The following MYOM2 variants were observed in gnomAD, a reference collection of about 807,000 sequenced individuals.
The protein encoded by MYOM2 is myomesin-2.
In MYOM2, 254 loss-of-function variants were observed where a neutral mutation model predicts 187.6. The observed-to-expected ratio is 1.35, with a 90% CI of 1.22 to 1.50. The LOEUF is 1.50. Ranked by LOEUF, MYOM2 falls within the 40% of genes most tolerant of loss-of-function variation. The pLI is 0.00. For synonymous variants in MYOM2, 981 were observed against 753.8 expected, an observed-to-expected ratio of 1.30 and a Z score of -4.94; for missense variants, 2,796 against 1,924.0, an observed-to-expected ratio of 1.45 and a Z score of -8.48.
chr8:2,080,215 G>T (rs144683106), intron 13 of MYOM2, among the ~76,000 whole-genome samples: 1 of 152,170 alleles, frequency 6.6e-6, no homozygotes, highest in Non-Finnish European at 1.5e-5. Flanking sequence ...AGTGCCATGG[G>T]TGAAAACATA....
At chr8:2,069,222 T>A in intron 6 of MYOM2, 56 bp from the exon 7 acceptor site, 1 of 1,531,994 alleles carries the variant, frequency 6.5e-7, no homozygotes, top group Non-Finnish European at 8.9e-7. Flanking sequence ...GCAATTCGGG[T>A]CACTGACTTT....
At chr8:2,075,142 A>G (rs542276160) in intron 10 of MYOM2, among the ~76,000 whole-genome samples, 1 of 152,236 alleles carries the variant, frequency 6.6e-6, no homozygotes, top group South Asian at 2.1e-4. Flanking sequence ...ATGTCAACCA[A>G]ACGTATCTCA....
chr8:2,060,548 A>G (rs891271633), intron 6 of MYOM2, among the ~76,000 whole-genome samples: 1 of 152,164 alleles, frequency 6.6e-6, no homozygotes, highest in Non-Finnish European at 1.5e-5. Flanking sequence ...ATTGGAACAT[A>G]CGATTTTATT....
intron 14 of MYOM2, 29 bp from the exon 15 acceptor site, chr8:2,089,979 G>T: frequency 6.2e-7 from 1 of 1,610,018 alleles, no homozygotes; most frequent in Non-Finnish European, 8.5e-7. Context: ...GGTTTTCACT[G>T]CCAGTCTCGT....
chr8:2,105,832 T>G (rs2116799025), intron 21 of MYOM2, among the ~76,000 whole-genome samples: 1 of 152,310 alleles, frequency 6.6e-6, no homozygotes, highest in African/African-American at 2.4e-5. Context: ...CCCCTCGGCA[T>G]TAGTCCGTTC....
rs140377334 is a variant in MYOM2 at position 2,085,289 on chromosome 8, A to G, written c.1543A>G (p.Thr515Ala). ...EGDAQVPGPP[T>A]GVHASEISRN... ...TGACGCCCAGGTTCCAGGGCCTCCC[A>G]CCGGTGTGCACGCTTCCGAGATCAG... The change falls in exon 14 of 37, where the codon ACC becomes GCC. Residue 515 changes from threonine to alanine, a missense_variant. Physicochemically the swap from Thr to Ala is moderately conservative, Grantham distance 58. Transcript: ENST00000262113. 9 of 1,614,076 alleles carry G rather than the reference A, an allele frequency of 5.6e-6. No individual in the cohort carries two copies. Among genetic ancestry groups the G allele is most frequent in the Non-Finnish European group, 6.8e-6 (8 of 1,179,986 alleles).
Position 2,085,196 on chromosome 8 carries a change from C to T in MYOM2, c.1517-67C>T, listed in dbSNP as rs1405108366. 52 of 1,575,436 alleles carry T rather than the reference C, an allele frequency of 3.3e-5. No homozygotes were observed. The East Asian group carries it at 1.1e-3, about 34-fold the overall frequency. The stretch of plus-strand genomic sequence containing the variant: ...CCCACGTGGCAGAGTCCTCCAGTGC[C>T]CCGAGGTGGGCTGCAGCGAGGCTGA... On this transcript the variant is annotated intron_variant, in intron 13 of 36. Coordinates refer to ENST00000262113, the MANE Select transcript of MYOM2 (RefSeq NM_003970.4).
At chr8:2,117,827 T>C in intron 27 of MYOM2, 58 bp from the exon 28 acceptor site, 1 of 1,193,862 alleles carries the variant, frequency 8.4e-7, no homozygotes. Flanking sequence ...AATAGCTATA[T>C]ATTTATTTGT....
At chr8:2,069,250 G>C (rs1819129473) in intron 6 of MYOM2, 28 bp from the exon 7 acceptor site, 1 of 1,598,980 alleles carries the variant, frequency 6.3e-7, no homozygotes, top group Non-Finnish European at 8.5e-7. Context: ...CAGTCCCGCA[G>C]ACTTTCTCTT....
Position 2,142,421 on chromosome 8 carries a change from C to G in MYOM2, c.4024+24C>G, listed in dbSNP as rs745699222. On this transcript the variant is annotated intron_variant, in intron 35 of 36. Transcript: ENST00000262113. ...GAGTAAGTACCTGTTGGATTGTAACCAGGATGGTGAATTATTTGGGGTGGG... is the reference window on the plus strand; with the variant it reads ...GAGTAAGTACCTGTTGGATTGTAACGAGGATGGTGAATTATTTGGGGTGGG... 34 of 1,612,568 alleles carry G rather than the reference C, an allele frequency of 2.1e-5. 1 individual carries two copies. Among genetic ancestry groups the G allele is most frequent in the South Asian group, 2.0e-4 (18 of 91,046 alleles).
intron 25 of MYOM2, among the ~76,000 whole-genome samples, chr8:2,114,263 C>G (rs1442187443): frequency 6.6e-6 from 1 of 152,196 alleles, no homozygotes; most frequent in Non-Finnish European, 1.5e-5. Context: ...AGCAGAGAGG[C>G]AGGTAGTCCA....
chr8:2,112,449 C>G (rs953547419), intron 25 of MYOM2, among the ~76,000 whole-genome samples: 6 of 151,738 alleles, frequency 4.0e-5, no homozygotes, highest in African/African-American at 7.3e-5. Context: ...CCAAGCCGCT[C>G]TAGTGCACAG....
chr8:2,078,289 G>C (rs549127282), intron 11 of MYOM2, among the ~76,000 whole-genome samples: 1 of 152,310 alleles, frequency 6.6e-6, no homozygotes, highest in East Asian at 1.9e-4. Flanking sequence ...CACAGAGTGG[G>C]ACGGGAGCTG....
chr8:2,117,844 T>A, intron 27 of MYOM2, 41 bp from the exon 28 acceptor site: 1 of 1,483,510 alleles, frequency 6.7e-7, no homozygotes, highest in Non-Finnish European at 9.3e-7. Context: ...TTGTTTACTT[T>A]TTCCTTTTTT....
At chr8:2,110,942 G>A (rs1439702688) in intron 25 of MYOM2, among the ~76,000 whole-genome samples, 6 of 152,192 alleles carry the variant, frequency 3.9e-5, no homozygotes, top group Admixed American at 3.9e-4. Context: ...GAGTCGGCTA[G>A]AAAGTAGAAA....
chr8:2,053,709 C>G (rs570105301), intron 3 of MYOM2, among the ~76,000 whole-genome samples: 1 of 152,190 alleles, frequency 6.6e-6, no homozygotes, highest in Non-Finnish European at 1.5e-5. Context: ...TATGTTCTCA[C>G]GGCACCTCTG....
chr8:2,078,285 G>A (rs1027142905), intron 11 of MYOM2, among the ~76,000 whole-genome samples: 4 of 152,196 alleles, frequency 2.6e-5, no homozygotes, highest in Non-Finnish European at 4.4e-5. Context: ...GTCTCACAGA[G>A]TGGGACGGGA....
chr8:2,118,402 C>G lies in MYOM2; in HGVS notation c.3453+450C>G, dbSNP rs542226588. Among the ~76,000 whole-genome samples the G allele has an allele frequency of 4.6e-5, 7 of 152,254 alleles. No homozygotes were observed. In the Middle Eastern group the frequency reaches 0.01, roughly 222 times the overall value. On this transcript the variant is annotated intron_variant, in intron 28 of 36. Transcript: ENST00000262113. ...ATATAAAAATCTGTTTTTTAAGCAG[C>G]AAATCTTCAATTTAATAACTGCCTA... is the stretch of plus-strand genomic sequence containing the variant.
chr8:2,101,377 TAAAAC>T (rs1796703892), intron 20 of MYOM2, among the ~76,000 whole-genome samples: 1 of 152,040 alleles, frequency 6.6e-6, no homozygotes, highest in African/African-American at 2.4e-5. Context: ...CACACAAAAA[TAAAAC>T]AAACTAACCA....
Sources: gnomAD v4.1 joint callset for allele counts (sites outside exome capture counted in the v4.1 genomes callset) on GRCh38, gnomAD v4.1.1 for gene constraint, MANE v1.5 for transcripts, NCBI Gene and HGNC (gene_info 2026-07-23, HGNC 2026-07-21) for gene names.